MYOM2: variants seen among roughly 807,000 people sequenced by gnomAD.
The protein encoded by MYOM2 is myomesin-2.
Under a neutral mutation model 187.6 loss-of-function variants are expected in MYOM2, and 254 were observed. The ratio of observed to expected loss-of-function variants is 1.35; its 90% confidence interval spans 1.22 to 1.50. The LOEUF (loss-of-function observed/expected upper bound fraction) is 1.50. MYOM2 is among the 40% of genes most tolerant of loss of function. MYOM2 has a pLI of 0.00. For synonymous variants in MYOM2, 981 were observed against 753.8 expected (o/e 1.30, Z -4.94); for missense variants, 2,796 against 1,924.0 (o/e 1.45, Z -8.48).
intron 14 of MYOM2, among the ~76,000 whole-genome samples, chr8:2,086,727 C>A (rs906919687): frequency 1.3e-5 from 2 of 152,230 alleles, no homozygotes; most frequent in Non-Finnish European, 2.9e-5. Flanking sequence ...TCTGGGCGCC[C>A]GCGTTCTTCA....
At chr8:2,114,831 G>T (rs1012845263) in intron 25 of MYOM2, among the ~76,000 whole-genome samples, 1 of 151,830 alleles carries the variant, frequency 6.6e-6, no homozygotes, top group South Asian at 2.1e-4. Flanking sequence ...TTGCCCAAGC[G>T]ATCCTCCTGC....
chr8:2,081,306 CCGTG>C, intron 13 of MYOM2, among the ~76,000 whole-genome samples: 1 of 136,612 alleles, frequency 7.3e-6, no homozygotes, highest in Non-Finnish European at 1.5e-5. Context: ...GCAGCCCAGC[CCGTG>C]CAGAATGAGG....
chr8:2,120,689 A>ATATATATATATAT lies in MYOM2; in HGVS notation c.3454-2563_3454-2562insTATATATATATAT. ...ATATATATATATTATATTATATATA[A>ATATATATATATAT]ATATATAATATATATATTTTAATTG... is the stretch of plus-strand genomic sequence containing the variant. On this transcript the variant is annotated intron_variant, in intron 28 of 36. Transcript: ENST00000262113. 9.3e-3 allele frequency among the ~76,000 whole-genome samples: 394 copies of ATATATATATATAT among 42,332 alleles called. 8 individuals are homozygous for ATATATATATATAT. Among genetic ancestry groups the ATATATATATATAT allele is most frequent in the Non-Finnish European group, 0.015 (316 of 21,364 alleles). 27.8% of individuals were successfully genotyped at this position (42,332 alleles called of 152,430 possible).
Position 2,094,094 on chromosome 8 carries a change from A to G in MYOM2, c.2125+3A>G, listed in dbSNP as rs1796399958. 8.1e-6 allele frequency: 13 copies of G among 1,614,098 alleles called. No homozygotes were observed. The highest frequency in any genetic ancestry group is 1.3e-5 in the African/African-American group (1 of 75,018). On this transcript the variant is annotated splice_donor_region_variant and intron_variant, in intron 17 of 36. Coordinates refer to ENST00000262113, the MANE Select transcript of MYOM2 (RefSeq NM_003970.4). Reference sequence around the variant, plus strand: ...CATAAAAGTGCAGGCCGCACTCAGTAAGTCACTCACAGGCTGTTGTGTGCC... The same window carrying G: ...CATAAAAGTGCAGGCCGCACTCAGTGAGTCACTCACAGGCTGTTGTGTGCC...
In MYOM2 at chr8:2,141,133, C is replaced by G; in HGVS notation, c.3965-8C>G. ...ATGGTTAGTAACGTATGAACTATTTCCTCACAGCTTTTGATGAAGCATTTG... is the reference window on the plus strand; with the variant it reads ...ATGGTTAGTAACGTATGAACTATTTGCTCACAGCTTTTGATGAAGCATTTG... On this transcript the variant is annotated splice_polypyrimidine_tract_variant and splice_region_variant and intron_variant, in intron 33 of 36. Transcript: ENST00000262113. 6.2e-7 allele frequency: 1 copy of G among 1,611,218 alleles called. No individual in the cohort carries two copies. The highest frequency in any genetic ancestry group is 1.1e-5 in the South Asian group (1 of 90,714).
At chr8:2,095,428 A>G (rs1039367887) in intron 17 of MYOM2, among the ~76,000 whole-genome samples, 1 of 151,834 alleles carries the variant, frequency 6.6e-6, no homozygotes, top group African/African-American at 2.4e-5. Context: ...ATTAGCTAGG[A>G]CCACAGGCAC....
chr8:2,135,926 G>A (rs1479232077), intron 32 of MYOM2, among the ~76,000 whole-genome samples: 1 of 152,168 alleles, frequency 6.6e-6, no homozygotes, highest in African/African-American at 2.4e-5. Context: ...GTGGGCGTGG[G>A]GTCTAGGGTG....
At position 2,078,888 on chromosome 8, in the gene MYOM2, G is replaced by C; in HGVS notation, c.1417G>C (p.Asp473His). The C allele has an allele frequency of 6.2e-7, 1 of 1,614,036 alleles. No homozygotes were observed. Among genetic ancestry groups the C allele is most frequent in the Non-Finnish European group, 8.5e-7 (1 of 1,179,906 alleles). Residue 473 changes from aspartate to histidine, a missense_variant, in exon 12 of 37, where the codon GAT becomes CAT. By Grantham distance (81) the Asp-to-His change is moderately conservative (BLOSUM62 -1). Transcript: ENST00000262113. ...AGISRPSRVS[D>H]AVAALDPLDL... Reference sequence around the variant, plus strand: ...CATCAGCCGACCCTCCAGGGTCTCTGATGCGGTGGCTGCACTTGACCCCTT... The same window carrying C: ...CATCAGCCGACCCTCCAGGGTCTCTCATGCGGTGGCTGCACTTGACCCCTT...
At chr8:2,088,573 G>T (rs1796178006) in intron 14 of MYOM2, among the ~76,000 whole-genome samples, 1 of 152,220 alleles carries the variant, frequency 6.6e-6, no homozygotes, top group East Asian at 1.9e-4. Flanking sequence ...GCCTCCAGCT[G>T]CACCCATGTG....
intron 2 of MYOM2, 108 bp from the exon 3 acceptor site, chr8:2,052,050 G>T: frequency 7.2e-7 from 1 of 1,384,560 alleles, no homozygotes. Flanking sequence ...TGTGTGCTCT[G>T]CATATACCAG....
chr8:2,088,663 G>A (rs917643514), intron 14 of MYOM2, among the ~76,000 whole-genome samples: 2 of 152,264 alleles, frequency 1.3e-5, no homozygotes, highest in Admixed American at 6.5e-5. Context: ...TTCTCTCTGC[G>A]GTCCACCATT....
chr8:2,046,428 T>A (rs1818313013), intron 1 of MYOM2, among the ~76,000 whole-genome samples: 1 of 152,116 alleles, frequency 6.6e-6, no homozygotes, highest in Non-Finnish European at 1.5e-5. Context: ...CTGGACGCTG[T>A]CAGGAGAGTC....
intron 13 of MYOM2, among the ~76,000 whole-genome samples, chr8:2,083,835 T>C (rs1017914432): frequency 2.0e-5 from 3 of 152,250 alleles, no homozygotes; most frequent in African/African-American, 7.2e-5. Flanking sequence ...GGGGATCCCC[T>C]GCTGACAAAG....
At chr8:2,087,943 T>G (rs1397806967) in intron 14 of MYOM2, among the ~76,000 whole-genome samples, 1 of 152,198 alleles carries the variant, frequency 6.6e-6, no homozygotes, top group Non-Finnish European at 1.5e-5. Context: ...ACACCTGTCC[T>G]GCAAACACAT....
intron 13 of MYOM2, among the ~76,000 whole-genome samples, chr8:2,084,305 C>G (rs576402822): frequency 9.9e-5 from 15 of 152,184 alleles, no homozygotes; most frequent in Non-Finnish European, 1.5e-5. Flanking sequence ...TGCCTCTGAC[C>G]TGTAATGCGC....
chr8:2,054,277 G>A (rs745774447), intron 3 of MYOM2, among the ~76,000 whole-genome samples: 2 of 152,150 alleles, frequency 1.3e-5, no homozygotes, highest in Non-Finnish European at 2.9e-5. Flanking sequence ...GCGCTCTGAA[G>A]GCACTCAACA....
chr8:2,053,331 C>G (rs1015333956), intron 3 of MYOM2, among the ~76,000 whole-genome samples: 3 of 152,090 alleles, frequency 2.0e-5, no homozygotes, highest in Non-Finnish European at 4.4e-5. Flanking sequence ...GTGAAGATTT[C>G]TTTTGTGAAA....
In MYOM2 at chr8:2,052,142, G is replaced by A. The variant is rs201605564; in HGVS notation, c.108-16G>A. The A allele has an allele frequency of 1.2e-5, 20 of 1,612,792 alleles. No individual in the cohort carries two copies. In the Admixed American group the frequency reaches 2.3e-4, roughly 19 times the overall value. On this transcript the variant is annotated splice_polypyrimidine_tract_variant and intron_variant, in intron 2 of 36. Transcript: ENST00000262113. ...GCCTGAGCATGCATCTCCTAATCGTGTCCATGTTCCTGAAGGCGAGCTTCC... is the reference window on the plus strand; with the variant it reads ...GCCTGAGCATGCATCTCCTAATCGTATCCATGTTCCTGAAGGCGAGCTTCC...
At chr8:2,114,922 A>T (rs879427878) in intron 25 of MYOM2, among the ~76,000 whole-genome samples, 11 of 152,178 alleles carry the variant, frequency 7.2e-5, no homozygotes, top group Non-Finnish European at 1.6e-4. Context: ...TTTCAGAATT[A>T]CAAGGAAGAG....
Sources: allele counts gnomAD v4.1 joint callset (sites outside exome capture counted in the v4.1 genomes callset), GRCh38; gene constraint gnomAD v4.1.1; transcripts MANE v1.5; gene names NCBI Gene and HGNC (gene_info 2026-07-23, HGNC 2026-07-21).